The following ANGPT1 variants were observed in gnomAD, a reference collection of about 807,000 sequenced individuals.
ANGPT1 encodes the protein angiopoietin-1.
A neutral mutation model predicts 62.2 loss-of-function variants in ANGPT1; 17 were observed. The observed-to-expected ratio is 0.27, with a 90% confidence interval of 0.19 to 0.41. The LOEUF (loss-of-function observed/expected upper bound fraction) is 0.41, where lower values mean the gene tolerates loss of function less well. ANGPT1 is among the 10% of genes least tolerant of loss of function. ANGPT1 has a pLI of 1.00. For missense variants in ANGPT1, 478 were observed against 594.9 expected, an observed-to-expected ratio of 0.80 and a Z score of 2.04; for synonymous variants, 199 against 198.9, an observed-to-expected ratio of 1.00 and a Z score of 0.00.
At chr8:107,268,472 T>A (rs999331646) in intron 7 of ANGPT1, among the ~76,000 whole-genome samples, 8 of 151,690 alleles carry the variant, frequency 5.3e-5, no homozygotes, top group African/African-American at 1.9e-4. Context: ...ATCCTTCTTA[T>A]CTTTCCAGTT....
chr8:107,453,608 A>C (rs541065125), intron 1 of ANGPT1, among the ~76,000 whole-genome samples: 62 of 152,186 alleles, frequency 4.1e-4, no homozygotes, highest in African/African-American at 1.4e-3. Context: ...AACACATGGG[A>C]ATTCAAGAAG....
intron 7 of ANGPT1, among the ~76,000 whole-genome samples, chr8:107,271,199 T>C (rs553515829): frequency 6.6e-6 from 1 of 152,128 alleles, no homozygotes; most frequent in Admixed American, 6.6e-5. Flanking sequence ...CCTGTTTGGG[T>C]TTGCAATCTA....
At chr8:107,455,054 C>T (rs1490857736) in intron 1 of ANGPT1, among the ~76,000 whole-genome samples, 1 of 151,990 alleles carries the variant, frequency 6.6e-6, no homozygotes, top group African/African-American at 2.4e-5. Flanking sequence ...AAGCCTTTTA[C>T]TCAACCTAAA....
chr8:107,451,712 C>T (rs183587586), intron 1 of ANGPT1, among the ~76,000 whole-genome samples: 7 of 151,842 alleles, frequency 4.6e-5, no homozygotes, highest in Admixed American at 2.0e-4. Flanking sequence ...CACAGGGATG[C>T]CATTGTGGAG....
chr8:107,478,338 C>A (rs1812589641), intron 1 of ANGPT1, among the ~76,000 whole-genome samples: 1 of 151,488 alleles, frequency 6.6e-6, no homozygotes, highest in African/African-American at 2.4e-5. Flanking sequence ...CACCTGAGGT[C>A]AGGAGCTCGA....
intron 4 of ANGPT1, among the ~76,000 whole-genome samples, chr8:107,304,672 T>C (rs1180411408): frequency 6.6e-6 from 1 of 151,932 alleles, no homozygotes; most frequent in East Asian, 1.9e-4. Flanking sequence ...ACTATTTCAA[T>C]ATAAATTACT....
At chr8:107,423,598 C>T (rs1350275987) in intron 1 of ANGPT1, among the ~76,000 whole-genome samples, 1 of 152,126 alleles carries the variant, frequency 6.6e-6, no homozygotes, top group Non-Finnish European at 1.5e-5. Context: ...CCTCCTCACT[C>T]CCTGCCACTA....
chr8:107,456,194 G>A (rs377655794), intron 1 of ANGPT1, among the ~76,000 whole-genome samples: 1 of 152,182 alleles, frequency 6.6e-6, no homozygotes, highest in African/African-American at 2.4e-5. Flanking sequence ...TTTGGTCAAC[G>A]TTAAAACAGA....
In ANGPT1 at chr8:107,281,613, C is replaced by T. The variant is rs376302204; in HGVS notation, c.1205+3069G>A. 3.9e-5 allele frequency among the ~76,000 whole-genome samples: 6 copies of T among 152,122 alleles called. No homozygotes were observed. The East Asian group carries it at 7.8e-4, about 20-fold the overall frequency. ...CTAACACGGTGAAACTCCGTCTCTACTAAAAATACAAAAAATTAGCCAGGC... is the reference window on the plus strand; with the variant it reads ...CTAACACGGTGAAACTCCGTCTCTATTAAAAATACAAAAAATTAGCCAGGC... On this transcript the variant is annotated intron_variant, in intron 7 of 8. Transcript: ENST00000517746.
chr8:107,402,136 T>C (rs889434381), intron 1 of ANGPT1, among the ~76,000 whole-genome samples: 5 of 152,348 alleles, frequency 3.3e-5, no homozygotes, highest in Admixed American at 3.3e-4. Flanking sequence ...TCATCACTTC[T>C]GAAGATCCAA....
At chr8:107,332,139 C>A (rs1815437171) in intron 3 of ANGPT1, among the ~76,000 whole-genome samples, 1 of 152,136 alleles carries the variant, frequency 6.6e-6, no homozygotes, top group Non-Finnish European at 1.5e-5. Flanking sequence ...TTTTAGAAAG[C>A]AGTAGGAAAC....
chr8:107,284,320 C>G (rs1243719744), intron 7 of ANGPT1: 1 of 153,898 alleles, frequency 6.5e-6, no homozygotes, highest in Non-Finnish European at 1.4e-5. Context: ...ACCAGAAAAT[C>G]TTTTTTTAGA....
At chr8:107,397,746 C>A (rs1356952275) in intron 1 of ANGPT1, among the ~76,000 whole-genome samples, 3 of 152,066 alleles carry the variant, frequency 2.0e-5, no homozygotes, top group Non-Finnish European at 4.4e-5. Flanking sequence ...ATTTTTCTTA[C>A]CCCTTTTCAG....
chr8:107,494,139 C>G (rs1487223986), intron 1 of ANGPT1, among the ~76,000 whole-genome samples: 2 of 152,122 alleles, frequency 1.3e-5, no homozygotes, highest in African/African-American at 2.4e-5. Context: ...AAAAAGACAT[C>G]ATTTGGCAAA....
chr8:107,465,495 C>A (rs543952710), intron 1 of ANGPT1, among the ~76,000 whole-genome samples: 1 of 151,916 alleles, frequency 6.6e-6, no homozygotes, highest in Non-Finnish European at 1.5e-5. Flanking sequence ...TGATTGATGC[C>A]GTATTTCACA....
At chr8:107,447,815 GAC>G (rs1446664066) in intron 1 of ANGPT1, among the ~76,000 whole-genome samples, 7 of 152,136 alleles carry the variant, frequency 4.6e-5, no homozygotes, top group African/African-American at 1.7e-4. Context: ...CACATACACA[GAC>G]ACACATACAC....
chr8:107,298,339 T>A (rs752984889), intron 5 of ANGPT1, among the ~76,000 whole-genome samples: 1 of 151,924 alleles, frequency 6.6e-6, no homozygotes, highest in African/African-American at 2.4e-5. Flanking sequence ...CAGAATCAAA[T>A]TTTTAATATT....
chr8:107,340,031 TG>T (rs1225200360), intron 2 of ANGPT1, among the ~76,000 whole-genome samples: 1 of 152,166 alleles, frequency 6.6e-6, no homozygotes, highest in Non-Finnish European at 1.5e-5. Flanking sequence ...CTCTCTCCAC[TG>T]ATGTATTAAA....
chr8:107,352,864 T>TG (rs1308016051), intron 1 of ANGPT1, among the ~76,000 whole-genome samples: 1 of 151,926 alleles, frequency 6.6e-6, no homozygotes, highest in Non-Finnish European at 1.5e-5. Flanking sequence ...GGTAAAACAA[T>TG]GCAAAAAATG....
Sources: allele counts gnomAD v4.1 joint callset (sites outside exome capture counted in the v4.1 genomes callset), GRCh38; gene constraint gnomAD v4.1.1; transcripts MANE v1.5; gene names NCBI Gene and HGNC (gene_info 2026-07-23, HGNC 2026-07-21).